Variants in PCDHGA4 observed in about 807,000 individuals in gnomAD.
PCDHGA4 encodes the protein protocadherin gamma subfamily A, 4.
In PCDHGA4, 38 loss-of-function variants were observed where a neutral mutation model predicts 54.6. That is an observed-to-expected ratio of 0.70 (90% CI 0.54 to 0.91). PCDHGA4 has a LOEUF of 0.91. Among genes scored for constraint, PCDHGA4 ranks in the 40% least tolerant of loss-of-function variants. PCDHGA4 has a pLI of 0.00. For missense variants in PCDHGA4, 1,298 were observed against 1,220.9 expected (o/e 1.06, Z -0.94); for synonymous variants, 511 against 512.9 (o/e 1.00, Z 0.05).
At position 141,414,606 on chromosome 5, in the gene PCDHGA4, A is replaced by G. The variant is rs760846889; in HGVS notation, c.2514+56985A>G. ...ACGCCAGGGGTGCCTCCATCTTCTCAGTGACAGCGCTGGACCCGGACAGCA... is the reference window on the plus strand; with the variant it reads ...ACGCCAGGGGTGCCTCCATCTTCTCGGTGACAGCGCTGGACCCGGACAGCA... On this transcript the variant is annotated intron_variant, in intron 1 of 3. Coordinates refer to ENST00000571252, the MANE Select transcript of PCDHGA4 (RefSeq NM_018917.4). The G allele has an allele frequency of 1.6e-5, 26 of 1,613,826 alleles. No homozygotes were observed. In the East Asian group the frequency reaches 5.6e-4, roughly 35 times the overall value.
chr5:141,409,823 A>G, intron 1 of PCDHGA4: 2 of 1,610,784 alleles, frequency 1.2e-6, no homozygotes, highest in Non-Finnish European at 1.7e-6. Flanking sequence ...CGGCTCGCCC[A>G]CGCTCAGCGC....
rs1040753474 is a variant in PCDHGA4 at position 141,511,446 on chromosome 5, G to T, written c.*273G>T. 3.1e-6 allele frequency: 2 copies of T among 654,526 alleles called. No individual in the cohort carries two copies. The highest frequency in any genetic ancestry group is 3.7e-5 in the African/African-American group (2 of 54,758). 40.5% of individuals were successfully genotyped at this position (654,526 alleles called of 1,614,324 possible). A position where few individuals can be genotyped will look rare whatever the true frequency, so the allele number is the denominator to read the frequency against. ...GTAGTGGGGTTACTGTAGACACCAA[G>T]AACCATTTGCCACACCCCGTTTAGT... On this transcript the variant is annotated 3_prime_UTR_variant, in exon 4 of 4. Transcript: ENST00000571252.
chr5:141,469,962 C>T (rs943032320), intron 1 of PCDHGA4, among the ~76,000 whole-genome samples: 8 of 152,134 alleles, frequency 5.3e-5, no homozygotes, highest in African/African-American at 1.9e-4. Flanking sequence ...GAAACCCCAT[C>T]TGTACCAAAA....
At chr5:141,503,502 G>A (rs750139098) in intron 2 of PCDHGA4, among the ~76,000 whole-genome samples, 5 of 151,828 alleles carry the variant, frequency 3.3e-5, no homozygotes, top group Admixed American at 2.0e-4. Context: ...AAGAGGCTGA[G>A]GCAGGAGAAT....
chr5:141,483,648 T>TTG (rs111458813), intron 1 of PCDHGA4, among the ~76,000 whole-genome samples: 1,883 of 149,700 alleles, frequency 0.013, 19 homozygotes, highest in African/African-American at 0.023. Flanking sequence ...GGGTGTGTGT[T>TTG]TGTGTGTGTG....
At chr5:141,419,276 CAA>C in intron 1 of PCDHGA4, 4 of 1,614,038 alleles carry the variant, frequency 2.5e-6, no homozygotes, top group Non-Finnish European at 3.4e-6. Flanking sequence ...CTCCATAGCG[CAA>C]GTCAGTGCCT....
At chr5:141,405,978 T>G (rs1280230437) in intron 1 of PCDHGA4, among the ~76,000 whole-genome samples, 1 of 152,144 alleles carries the variant, frequency 6.6e-6, no homozygotes, top group Non-Finnish European at 1.5e-5. Context: ...TAAACCATAC[T>G]TCATGGGGTA....
intron 1 of PCDHGA4, chr5:141,409,922 T>C (rs752487198): frequency 1.2e-6 from 2 of 1,613,182 alleles, no homozygotes; most frequent in African/African-American, 2.7e-5. Context: ...CGGCTCCGCG[T>C]TCTTCGATAT....
chr5:141,501,328 CACA>C (rs2099808027), intron 2 of PCDHGA4, among the ~76,000 whole-genome samples: 1 of 151,710 alleles, frequency 6.6e-6, no homozygotes, highest in Non-Finnish European at 1.5e-5. Context: ...CACACACACA[CACA>C]CACCCCAAAC....
At chr5:141,404,779 C>G in intron 1 of PCDHGA4, 1 of 1,613,746 alleles carries the variant, frequency 6.2e-7, no homozygotes, top group Non-Finnish European at 8.5e-7. Context: ...ACCGCCTATT[C>G]AAGGCCAGTG....
Position 141,371,428 on chromosome 5 carries a change from C to T in PCDHGA4, c.2514+13807C>T, listed in dbSNP as rs763264073. On this transcript the variant is annotated intron_variant, in intron 1 of 3. Coordinates refer to ENST00000571252, the MANE Select transcript of PCDHGA4 (RefSeq NM_018917.4). ...ATTTCAGATGAAAATGACAATGCCCCGGAGATAACCCTGGCTTCTGAATCC... is the reference window on the plus strand; with the variant it reads ...ATTTCAGATGAAAATGACAATGCCCTGGAGATAACCCTGGCTTCTGAATCC... 3.7e-6 allele frequency: 6 copies of T among 1,613,772 alleles called. No individual in the cohort carries two copies. The African/African-American group carries it at 5.3e-5, about 14-fold the overall frequency.
Position 141,375,778 on chromosome 5 carries a change from C to G in PCDHGA4, c.2514+18157C>G. Reference sequence around the variant, plus strand: ...ACAATGCGCCCGAGATCCTGTACCCCGCCCTCCCCACAGACGGTTCCACTG... The same window carrying G: ...ACAATGCGCCCGAGATCCTGTACCCGGCCCTCCCCACAGACGGTTCCACTG... On this transcript the variant is annotated intron_variant, in intron 1 of 3. Coordinates refer to ENST00000571252, the MANE Select transcript of PCDHGA4 (RefSeq NM_018917.4). The G allele has an allele frequency of 1.9e-6, 3 of 1,614,242 alleles. No homozygotes were observed. The African/African-American group carries it at 4.0e-5, about 22-fold the overall frequency.
At chr5:141,458,437 C>T (rs777855535) in intron 1 of PCDHGA4, among the ~76,000 whole-genome samples, 1 of 152,026 alleles carries the variant, frequency 6.6e-6, no homozygotes, top group Non-Finnish European at 1.5e-5. Flanking sequence ...AGAGGAGGTC[C>T]CCCACATTAA....
Position 141,355,706 on chromosome 5 carries a change from G to T in PCDHGA4, c.599G>T (p.Gly200Val). Residue 200 changes from glycine (G) to valine (V), a missense_variant, in exon 1 of 4, where the codon GGT becomes GTT. Physicochemically the swap from Gly to Val is moderately radical, Grantham distance 109. Transcript: ENST00000571252. ...DPDVGVNSLQ[G>V]YQLNSNGYFS... Reference sequence around the variant, plus strand: ...GATGTAGGTGTAAACTCCCTGCAGGGTTACCAGCTCAACTCAAACGGTTAC... The same window carrying T: ...GATGTAGGTGTAAACTCCCTGCAGGTTTACCAGCTCAACTCAAACGGTTAC... 1 of 1,613,984 alleles carries T rather than the reference G, an allele frequency of 6.2e-7. No homozygotes were observed. The highest frequency in any genetic ancestry group is 1.1e-5 in the South Asian group (1 of 91,090).
In PCDHGA4 at chr5:141,490,751, C is replaced by T. The variant is rs2099703884; in HGVS notation, c.2515-4056C>T. 6.2e-6 allele frequency: 10 copies of T among 1,614,092 alleles called. No individual in the cohort carries two copies. The highest frequency in any genetic ancestry group is 1.7e-5 in the Admixed American group (1 of 60,012). ...AATCAGGTTCAGGGAGCCCCAGCCT[C>T]CTCCTTTGTGTATGTCAACCCAGAG... On this transcript the variant is annotated intron_variant, in intron 1 of 3. Coordinates refer to ENST00000571252, the MANE Select transcript of PCDHGA4 (RefSeq NM_018917.4). This position sits in a 1 kb window ranked among gnomAD's most constrained non-coding sequence, Gnocchi z 5.4.
At chr5:141,383,218 A>C in intron 1 of PCDHGA4, 1 of 1,614,020 alleles carries the variant, frequency 6.2e-7, no homozygotes, top group Non-Finnish European at 8.5e-7. Context: ...GGTAAACTTT[A>C]ACATCCTGAT....
chr5:141,414,690 G>A (rs377704657), intron 1 of PCDHGA4: 53 of 1,613,888 alleles, frequency 3.3e-5, no homozygotes, highest in Middle Eastern at 1.6e-4. Flanking sequence ...GGGTACCTCT[G>A]TCCTCATACA....
At chr5:141,382,862 C>T (rs1026124728) in intron 1 of PCDHGA4, 2 of 1,514,358 alleles carry the variant, frequency 1.3e-6, no homozygotes, top group Non-Finnish European at 1.8e-6. Context: ...TGAAGCACTT[C>T]CCGAGATCGG....
rs80129508 is a variant in PCDHGA4 at position 141,369,299 on chromosome 5, C to T, written c.2514+11678C>T. Among the ~76,000 whole-genome samples the T allele has an allele frequency of 3.7e-4, 56 of 152,230 alleles. No homozygotes were observed. In the East Asian group the frequency reaches 0.011, roughly 29 times the overall value. On this transcript the variant is annotated intron_variant, in intron 1 of 3. Coordinates refer to ENST00000571252, the MANE Select transcript of PCDHGA4 (RefSeq NM_018917.4). ...TCACTCCCCAATCCTAATAACGCAT[C>T]ATTGTTAGGCTACTTGAGAAGAAAC...
Sources: allele counts gnomAD v4.1 joint callset (sites outside exome capture counted in the v4.1 genomes callset), GRCh38; gene constraint gnomAD v4.1.1; non-coding constraint Gnocchi (gnomAD v3.1); transcripts MANE v1.5; gene names NCBI Gene and HGNC (gene_info 2026-07-23, HGNC 2026-07-21).